The following PIGF variants were observed in gnomAD, a reference collection of about 807,000 sequenced individuals.
The protein encoded by PIGF is GPI ethanolamine phosphate transferase, stabilizing subunit.
Under a neutral mutation model 26.0 loss-of-function variants are expected in PIGF, and 23 were observed. The observed-to-expected ratio is 0.88, with a 90% CI of 0.64 to 1.25. PIGF has a LOEUF of 1.25. PIGF is among the 50% of genes most tolerant of loss of function. The probability of loss-of-function intolerance (pLI) is 0.00; values close to 1 mark genes in which losing one functional copy is unlikely to be tolerated. For missense variants in PIGF, 278 were observed against 249.9 expected (o/e 1.11, Z -0.76); for synonymous variants, 93 against 92.6 (o/e 1.00, Z -0.03).
chr2:46,583,907 A>G (rs1459652087), intron 5 of PIGF, among the ~76,000 whole-genome samples: 2 of 152,216 alleles, frequency 1.3e-5, no homozygotes, highest in East Asian at 3.8e-4. Flanking sequence ...AATTAGTTCT[A>G]AAGTTCTTAA....
intron 4 of PIGF, among the ~76,000 whole-genome samples, chr2:46,594,998 C>T (rs1669839168): frequency 6.6e-6 from 1 of 151,752 alleles, no homozygotes; most frequent in African/African-American, 2.4e-5. Flanking sequence ...TTATAGGTGG[C>T]TAATTTTTTG....
chr2:46,614,626 A>G (rs1670548696), intron 2 of PIGF: 1 of 186,380 alleles, frequency 5.4e-6, no homozygotes, highest in South Asian at 1.4e-4. Context: ...TGTCTTATTG[A>G]GTAAGGTTTA....
rs773273840 is a variant in PIGF at position 46,588,138 on chromosome 2, A to C, written c.546+4337T>G. The stretch of plus-strand genomic sequence containing the variant: ...CAGTACCAAGCCCCCTGCAGGGTAC[A>C]TGGAGAGATCTATAAGTGCTACGTT... On this transcript the variant is annotated intron_variant, in intron 5 of 5. Transcript: ENST00000281382. The surrounding 1 kb of genome is among the most constrained non-coding windows in gnomAD (Gnocchi z 4.1). 1 of 1,613,118 alleles carries C rather than the reference A, an allele frequency of 6.2e-7. No individual in the cohort carries two copies. The highest frequency in any genetic ancestry group is 8.5e-7 in the Non-Finnish European group (1 of 1,179,506).
At chr2:46,581,924 A>ATT in intron 5 of PIGF, 6 of 183,408 alleles carry the variant, frequency 3.3e-5, no homozygotes, top group South Asian at 2.9e-4. Flanking sequence ...CTAGTTGGTA[A>ATT]TTTTTTTTTT....
At chr2:46,610,579 G>A (rs1169713713) in intron 4 of PIGF, among the ~76,000 whole-genome samples, 3 of 142,606 alleles carry the variant, frequency 2.1e-5, no homozygotes, top group African/African-American at 5.5e-5. Context: ...GCCCAGGCTG[G>A]AGTCCAGTGG....
At position 46,614,960 on chromosome 2, in the gene PIGF, T is replaced by G; in HGVS notation, c.205A>C (p.Lys69Gln). 6.4e-7 allele frequency: 1 copy of G among 1,561,904 alleles called. No homozygotes were observed. Among genetic ancestry groups the G allele is most frequent in the Non-Finnish European group, 8.8e-7 (1 of 1,132,576 alleles). Reference protein sequence around the residue: ...YLVVKPNTSSKRSSLSHKVTG... With the variant: ...YLVVKPNTSSQRSSLSHKVTG... ...ACCTTGTGTGATAATGAACTTCTTTTAGAGGATGTATTTGGTTTCACTACT... is the reference window on the plus strand; with the variant it reads ...ACCTTGTGTGATAATGAACTTCTTTGAGAGGATGTATTTGGTTTCACTACT... The change falls in exon 2 of 6, where the codon AAA (lysine) becomes CAA (glutamine). Residue 69 changes from lysine (K) to glutamine (Q), a missense_variant. Coordinates refer to ENST00000281382, the MANE Select transcript of PIGF (RefSeq NM_002643.4).
Position 46,614,922 on chromosome 2 carries a change from A to G in PIGF, c.228+15T>C. ...AGCTCCATCCAAAAATCAGTTATTG[A>G]GACATAAGCCTTACCTTGTGTGATA... is the stretch of plus-strand genomic sequence containing the variant. On this transcript the variant is annotated intron_variant, in intron 2 of 5. Coordinates refer to ENST00000281382, the MANE Select transcript of PIGF (RefSeq NM_002643.4). 1 of 1,179,664 alleles carries G rather than the reference A, an allele frequency of 8.5e-7. No homozygotes were observed. Among genetic ancestry groups the G allele is most frequent in the Non-Finnish European group, 1.3e-6 (1 of 788,920 alleles). 73.1% of individuals were successfully genotyped at this position (1,179,664 alleles called of 1,614,324 possible).
intron 5 of PIGF, chr2:46,591,993 A>G: frequency 2.3e-6 from 3 of 1,291,898 alleles, no homozygotes; most frequent in Non-Finnish European, 3.1e-6. Context: ...ATATAAGACC[A>G]CAAGGGCAAT....
In PIGF at chr2:46,616,986, C is replaced by T; in HGVS notation, c.-38G>A. On this transcript the variant is annotated 5_prime_UTR_variant, in exon 1 of 6. Coordinates refer to ENST00000281382, the MANE Select transcript of PIGF (RefSeq NM_002643.4). ...GGGGCTTACCTAACTCTCCCTCCCG[C>T]GGAAGGGAAGCGGGGAACTACTGCC... 1 of 542,664 alleles carries T rather than the reference C, an allele frequency of 1.8e-6. No individual in the cohort carries two copies. The highest frequency in any genetic ancestry group is 3.3e-6 in the Non-Finnish European group (1 of 304,194). 33.6% of individuals were successfully genotyped at this position (542,664 alleles called of 1,614,324 possible).
At chr2:46,595,572 G>C (rs1669857353) in intron 4 of PIGF, among the ~76,000 whole-genome samples, 1 of 152,156 alleles carries the variant, frequency 6.6e-6, no homozygotes, top group Admixed American at 6.5e-5. Flanking sequence ...TTATGCACAA[G>C]TTTCTGTGTG....
At chr2:46,598,342 G>A (rs563055296) in intron 4 of PIGF, among the ~76,000 whole-genome samples, 1 of 151,718 alleles carries the variant, frequency 6.6e-6, no homozygotes, top group Non-Finnish European at 1.5e-5. Context: ...CAAATATCTG[G>A]TGATTCTTTA....
In PIGF at chr2:46,581,571, C is replaced by T. The variant is rs186205049; in HGVS notation, c.567G>A (p.Thr189=). 408 of 1,611,212 alleles carry T rather than the reference C, an allele frequency of 2.5e-4. 1 individual carries two copies. The East Asian group carries it at 7.6e-3, about 30-fold the overall frequency. Reference sequence around the variant, plus strand: ...CCACGTAGCCAAAGGTCGCTCCAAGCGTACAGGAGATGGGCCATACCTGAG... The same window carrying T: ...CCACGTAGCCAAAGGTCGCTCCAAGTGTACAGGAGATGGGCCATACCTGAG... ...RPWQVWPISC[T]LGATFGYVAG... The change falls in exon 6 of 6, where the codon ACG becomes ACA. Residue 189 remains threonine (T), a synonymous_variant. Coordinates refer to ENST00000281382, the MANE Select transcript of PIGF (RefSeq NM_002643.4).
Position 46,613,589 on chromosome 2 carries a change from T to C in PIGF, c.320+105A>G, listed in dbSNP as rs7575314. On this transcript the variant is annotated intron_variant, in intron 3 of 5. Transcript: ENST00000281382. ...GATGTTGGTGTCCTTACTTGATCTA[T>C]TAATGATGCACATCATGGTTTTTCT... The C allele has an allele frequency of 4.2e-3, 3,100 of 744,912 alleles. 88 individuals carry two copies. In the African/African-American group the frequency reaches 0.052, roughly 12 times the overall value. The allele number at this position is 744,912 out of a possible 1,614,324, so 46.1% of individuals were successfully genotyped here.
rs998731204 is a variant in PIGF, at chr2:46,588,277, T to C, written c.546+4198A>G. 6.2e-6 allele frequency: 9 copies of C among 1,462,972 alleles called. No homozygotes were observed. In the Admixed American group the frequency reaches 1.7e-4, roughly 28 times the overall value. The allele number at this position is 1,462,972 out of a possible 1,614,324, so 90.6% of individuals were successfully genotyped here. A position where few individuals can be genotyped will look rare whatever the true frequency, so the allele number is the denominator to read the frequency against. On this transcript the variant is annotated intron_variant, in intron 5 of 5. Transcript: ENST00000281382. The surrounding 1 kb of genome is among the most constrained non-coding windows in gnomAD (Gnocchi z 4.1). ...AAATAGATAAATTAACAGTCCACTC[T>C]ACCAACTGAAAGACTGCTGGGCAGA...
intron 4 of PIGF, among the ~76,000 whole-genome samples, chr2:46,600,237 G>A (rs944619621): frequency 6.6e-6 from 1 of 152,076 alleles, no homozygotes. Context: ...GGGGAGTCAG[G>A]GAAACCTACA....
chr2:46,598,529 A>ATTT (rs747263045), intron 4 of PIGF, among the ~76,000 whole-genome samples: 3,264 of 103,458 alleles, frequency 0.032, 197 homozygotes, highest in Non-Finnish European at 0.038. Context: ...ACATTATGAG[A>ATTT]TTTTTTTTTT....
At chr2:46,612,838 T>C (rs1670469270) in intron 3 of PIGF, among the ~76,000 whole-genome samples, 1 of 152,180 alleles carries the variant, frequency 6.6e-6, no homozygotes, top group South Asian at 2.1e-4. Flanking sequence ...AGTTTCTGAC[T>C]GAAGCTTGAG....
intron 4 of PIGF, among the ~76,000 whole-genome samples, chr2:46,601,676 C>G (rs1670059927): frequency 6.6e-6 from 1 of 151,992 alleles, no homozygotes; most frequent in Non-Finnish European, 1.5e-5. Context: ...ACTAAATTAT[C>G]TACTTTTTAT....
At chr2:46,610,498 C>T (rs902047436) in intron 4 of PIGF, among the ~76,000 whole-genome samples, 11 of 148,436 alleles carry the variant, frequency 7.4e-5, no homozygotes, top group Admixed American at 2.0e-4. Flanking sequence ...TATTAGAAGA[C>T]GGTTCCAAGG....
Sources: allele counts gnomAD v4.1 joint callset (sites outside exome capture counted in the v4.1 genomes callset), GRCh38; gene constraint gnomAD v4.1.1; non-coding constraint Gnocchi (gnomAD v3.1); transcripts MANE v1.5; gene names NCBI Gene and HGNC (gene_info 2026-07-23, HGNC 2026-07-21).